Variants in ARHGAP27 observed in about 807,000 individuals in gnomAD.
The protein encoded by ARHGAP27 is Rho GTPase activating protein 27.
Under a neutral mutation model 102.0 loss-of-function variants are expected in ARHGAP27, and 53 were observed. The observed-to-expected ratio is 0.52, with a 90% CI of 0.42 to 0.65. ARHGAP27 has a LOEUF of 0.65. ARHGAP27 is among the 30% of genes least tolerant of loss of function. The probability of loss-of-function intolerance (pLI) is 0.00; values close to 1 mark genes in which losing one functional copy is unlikely to be tolerated. For synonymous variants in ARHGAP27, 525 were observed against 542.8 expected (o/e 0.97, Z 0.46); for missense variants, 1,117 against 1,256.2 (o/e 0.89, Z 1.68).
At chr17:45,420,575 A>G (rs2048927767) in intron 4 of ARHGAP27, among the ~76,000 whole-genome samples, 1 of 152,184 alleles carries the variant, frequency 6.6e-6, no homozygotes, top group African/African-American at 2.4e-5. Flanking sequence ...ATTCAAGGCT[A>G]TTGGCAAAAT....
chr17:45,424,516 C>T (rs2049355324), intron 4 of ARHGAP27, among the ~76,000 whole-genome samples: 1 of 152,212 alleles, frequency 6.6e-6, no homozygotes, highest in Admixed American at 6.5e-5. Flanking sequence ...ACCACCCATC[C>T]AGGCTGGCAT....
chr17:45,410,188 T>C, intron 4 of ARHGAP27: 1 of 1,530,726 alleles, frequency 6.5e-7, no homozygotes, highest in East Asian at 2.5e-5. Flanking sequence ...ACAGGGCTTG[T>C]GGTAGAGGCC....
Position 45,403,684 on chromosome 17 carries a change from T to C in ARHGAP27, c.1573A>G (p.Thr525Ala), listed in dbSNP as rs1359508183. The change falls in exon 11 of 20, where the codon ACT (threonine) becomes GCT (alanine). Residue 525 changes from threonine to alanine, a missense_variant. Thr to Ala is a moderately conservative substitution (Grantham distance 58). Transcript: ENST00000685559. ...LRKKHWSASW[T>A]VLEGGVLTFF... ...GTCAGGACGCCACCCTCCAGCACAG[T>C]CCAGGAGGCACTCCAGTGCTTCTTC... 1 of 1,613,544 alleles carries C rather than the reference T, an allele frequency of 6.2e-7. No homozygotes were observed. The highest frequency in any genetic ancestry group is 1.7e-5 in the Admixed American group (1 of 59,914).
intron 4 of ARHGAP27, among the ~76,000 whole-genome samples, chr17:45,426,789 C>T (rs1418481955): frequency 2.0e-5 from 3 of 152,174 alleles, no homozygotes; most frequent in African/African-American, 2.4e-5. Context: ...ACACTCAATT[C>T]GCACCCTCAC....
chr17:45,416,467 CTT>C (rs941995458), intron 4 of ARHGAP27, among the ~76,000 whole-genome samples: 6 of 146,340 alleles, frequency 4.1e-5, no homozygotes, highest in Admixed American at 6.8e-5. Flanking sequence ...CTCTCTCTCT[CTT>C]TTTTTTTTTT....
chr17:45,414,158 G>A (rs964543185), intron 4 of ARHGAP27, among the ~76,000 whole-genome samples: 2 of 151,384 alleles, frequency 1.3e-5, no homozygotes, highest in Admixed American at 6.6e-5. Flanking sequence ...AGCGAAGGCT[G>A]TAGGGATGAG....
rs745759444 is a variant in ARHGAP27, at chr17:45,430,235, G to T, written c.45C>A (p.His15Gln). 4.4e-6 allele frequency: 7 copies of T among 1,575,842 alleles called. No individual in the cohort carries two copies. Among genetic ancestry groups the T allele is most frequent in the Non-Finnish European group, 6.0e-6 (7 of 1,169,188 alleles). The change falls in exon 4 of 20, where the codon CAC (histidine) becomes CAA (glutamine). Residue 15 changes from histidine to glutamine, a missense_variant. Physicochemically the swap from His to Gln is conservative, Grantham distance 24. This residue lies in a region of ARHGAP27 where 610 missense variants were observed against 716.4 expected (regional missense o/e 0.85). Transcript: ENST00000685559. The surrounding 1 kb of genome is among the most constrained non-coding windows in gnomAD (Gnocchi z 4.4). ...VVGDVYVLVEHPFEYTGKDGR... is the reference protein window; with the variant it reads ...VVGDVYVLVEQPFEYTGKDGR... ...CGTCCTTGCCGGTGTACTCGAAGGG[G>T]TGCTCCACCAGCACGTACACGTCCC...
chr17:45,403,678 G>A lies in ARHGAP27; in HGVS notation c.1579C>T (p.Leu527=), dbSNP rs116202398. ...KKHWSASWTV[L]EGGVLTFFKD... ...AAGAATGTCAGGACGCCACCCTCCA[G>A]CACAGTCCAGGAGGCACTCCAGTGC... is the stretch of plus-strand genomic sequence containing the variant. The change falls in exon 11 of 20, where the codon CTG becomes TTG. Residue 527 remains leucine, a synonymous_variant. Transcript: ENST00000685559. 1,679 of 1,613,942 alleles carry A rather than the reference G, an allele frequency of 1.0e-3. 22 individuals carry two copies. In the African/African-American group the frequency reaches 0.02, roughly 19 times the overall value.
In ARHGAP27 at chr17:45,396,503, G is replaced by A. The variant is rs1389842855; in HGVS notation, c.2157C>T (p.Arg719=). Residue 719 remains arginine, a synonymous_variant, in exon 16 of 20, where the codon CGC becomes CGT. Transcript: ENST00000685559. ...RVPRFVQQCI[R]AVEARGLDID... is the part of the protein sequence containing the mutation. ...CGCACGTACCGCGGGCCTCGACGGC[G>A]CGGATGCACTGCTGCACGAAGCGTG... The A allele has an allele frequency of 4.5e-6, 7 of 1,555,532 alleles. No homozygotes were observed. Among genetic ancestry groups the A allele is most frequent in the Non-Finnish European group, 5.2e-6 (6 of 1,156,404 alleles).
At chr17:45,422,010 A>G (rs951085052) in intron 4 of ARHGAP27, among the ~76,000 whole-genome samples, 1 of 152,134 alleles carries the variant, frequency 6.6e-6, no homozygotes, top group African/African-American at 2.4e-5. Flanking sequence ...TACTAAAAAT[A>G]CAAAAATTAG....
intron 4 of ARHGAP27, among the ~76,000 whole-genome samples, chr17:45,420,666 T>A (rs952825977): frequency 2.6e-5 from 4 of 152,134 alleles, no homozygotes; most frequent in African/African-American, 9.7e-5. Context: ...AAAAAAGGAC[T>A]GATTTTGGCC....
At chr17:45,404,387 G>C (rs544810958) in intron 8 of ARHGAP27, 53 bp from the exon 9 acceptor site, 146 of 1,613,644 alleles carry the variant, frequency 9.0e-5, no homozygotes, top group Non-Finnish European at 1.2e-4. Context: ...AGGAACTCCA[G>C]AAGCCCCCCA....
At chr17:45,426,468 T>C (rs1416896606) in intron 4 of ARHGAP27, among the ~76,000 whole-genome samples, 3 of 151,962 alleles carry the variant, frequency 2.0e-5, no homozygotes, top group Admixed American at 2.0e-4. Context: ...TAAAACACCA[T>C]CCATGGCAGG....
intron 4 of ARHGAP27, among the ~76,000 whole-genome samples, chr17:45,417,767 A>T (rs1024254490): frequency 1.4e-5 from 2 of 139,768 alleles, no homozygotes; most frequent in East Asian, 2.1e-4. Flanking sequence ...AAAAAAAAAA[A>T]TTTTGGCCGG....
intron 19 of ARHGAP27, 29 bp downstream of exon 19, chr17:45,395,715 C>CCCCTT: frequency 6.4e-7 from 1 of 1,572,498 alleles, no homozygotes; most frequent in Non-Finnish European, 8.6e-7. Context: ...GACCTGCCTC[C>CCCCTT]CCCTTCCCGC....
At chr17:45,424,574 G>A (rs56212100) in intron 4 of ARHGAP27, among the ~76,000 whole-genome samples, 21,171 of 152,102 alleles carry the variant, frequency 0.14, 1,758 homozygotes, top group Middle Eastern at 0.23. Context: ...GTCAGCTCTA[G>A]GAAGGGCAGA....
chr17:45,427,833 G>A lies in ARHGAP27; in HGVS notation c.657+1790C>T, dbSNP rs1473431742. Among the ~76,000 whole-genome samples the A allele has an allele frequency of 4.6e-5, 7 of 152,144 alleles. No individual in the cohort carries two copies. Among genetic ancestry groups the A allele is most frequent in the Non-Finnish European group, 8.8e-5 (6 of 68,022 alleles). On this transcript the variant is annotated intron_variant, in intron 4 of 19. Transcript: ENST00000685559. This position sits in a 1 kb window ranked among gnomAD's most constrained non-coding sequence, Gnocchi z 4.5. Reference sequence around the variant, plus strand: ...ATCATCGGTGCCCCTCCCTCCATATGCCACTGCAACTGGGAACCTGCTGGG... The same window carrying A: ...ATCATCGGTGCCCCTCCCTCCATATACCACTGCAACTGGGAACCTGCTGGG...
At chr17:45,400,787 C>T (rs1199198880) in intron 12 of ARHGAP27, among the ~76,000 whole-genome samples, 3 of 152,072 alleles carry the variant, frequency 2.0e-5, no homozygotes, top group Admixed American at 6.6e-5. Flanking sequence ...TGGTGGCAGG[C>T]GCCTGTAGTC....
intron 19 of ARHGAP27, 53 bp from the exon 20 acceptor site, chr17:45,395,686 C>G: frequency 3.8e-6 from 6 of 1,569,228 alleles, no homozygotes; most frequent in Non-Finnish European, 5.2e-6. Context: ...TGCGGGGAGG[C>G]GCTGGGGGCT....
Sources: gnomAD v4.1 joint callset for allele counts (sites outside exome capture counted in the v4.1 genomes callset) on GRCh38, gnomAD v4.1.1 for gene constraint, gnomAD v4.1.1 regional missense constraint, Gnocchi (gnomAD v3.1) non-coding constraint, MANE v1.5 for transcripts, NCBI Gene and HGNC (gene_info 2026-07-23, HGNC 2026-07-21) for gene names.